ABHD10: variants seen among roughly 807,000 people sequenced by gnomAD.
ABHD10 encodes abhydrolase domain containing 10, depalmitoylase, also known as palmitoyl-protein thioesterase ABHD10, mitochondrial.
In ABHD10, 22 loss-of-function variants were observed where a neutral mutation model predicts 33.1. That is an observed-to-expected ratio of 0.66 (90% CI 0.47 to 0.95). The LOEUF is 0.95. ABHD10 is among the 40% of genes least tolerant of loss of function. The pLI, the probability that ABHD10 is intolerant of heterozygous loss-of-function variation, is 0.00. For missense variants in ABHD10, 352 were observed against 379.9 expected (o/e 0.93, Z 0.61); for synonymous variants, 146 against 133.9 (o/e 1.09, Z -0.62).
intron 2 of ABHD10, among the ~76,000 whole-genome samples, chr3:111,986,037 GAGAC>G (rs1279527293): frequency 1.3e-5 from 2 of 152,196 alleles, no homozygotes; most frequent in East Asian, 1.9e-4. Context: ...GTTAGGTTGA[GAGAC>G]AGTGTGACTA....
In ABHD10 at chr3:111,986,225, A is replaced by G. The variant is rs547085409; in HGVS notation, c.327-39A>G. ...TCTTAAAAATTAAAGAAGCAGATAT[A>G]TAGATATTTAGATATAGATTTTTTT... On this transcript the variant is annotated intron_variant, in intron 2 of 4. Transcript: ENST00000273359. 5 of 1,133,552 alleles carry G rather than the reference A, an allele frequency of 4.4e-6. No individual in the cohort carries two copies. In the East Asian group the frequency reaches 9.8e-5, roughly 22 times the overall value. 70.2% of individuals were successfully genotyped at this position (1,133,552 alleles called of 1,614,324 possible).
chr3:111,991,778 A>G lies in ABHD10; in HGVS notation c.*57A>G. 1 of 1,317,498 alleles carries G rather than the reference A, an allele frequency of 7.6e-7. No homozygotes were observed. Among genetic ancestry groups the G allele is most frequent in the Non-Finnish European group, 1.0e-6 (1 of 952,456 alleles). The allele number at this position is 1,317,498 out of a possible 1,614,324, so 81.6% of individuals were successfully genotyped here. ...GTATCCAGAAGATTGGAAGAGGGAT[A>G]AGAAATGAAAGATCCTGATACTTTA... is the stretch of plus-strand genomic sequence containing the variant. On this transcript the variant is annotated 3_prime_UTR_variant, in exon 5 of 5. Coordinates refer to ENST00000273359, the MANE Select transcript of ABHD10 (RefSeq NM_018394.4).
At chr3:111,979,230 A>C in intron 1 of ABHD10, 27 bp downstream of exon 1, 1 of 1,575,432 alleles carries the variant, frequency 6.3e-7, no homozygotes, top group Non-Finnish European at 8.7e-7. Context: ...CGGGAGTAGG[A>C]TGCGTTCTTT....
At chr3:111,983,811 C>T (rs2072618111) in intron 2 of ABHD10, among the ~76,000 whole-genome samples, 1 of 152,156 alleles carries the variant, frequency 6.6e-6, no homozygotes. Flanking sequence ...GGTATTCTCT[C>T]ATAATTATTT....
At chr3:111,985,489 A>G (rs1466519369) in intron 2 of ABHD10, among the ~76,000 whole-genome samples, 2 of 152,216 alleles carry the variant, frequency 1.3e-5, no homozygotes, top group African/African-American at 4.8e-5. Flanking sequence ...GGCACTAGGA[A>G]CGCATTGAAA....
Position 111,982,952 on chromosome 3 carries a change from A to G in ABHD10, c.326+985A>G, listed in dbSNP as rs1462026437. Among the ~76,000 whole-genome samples the G allele has an allele frequency of 3.9e-5, 6 of 152,138 alleles. 1 individual carries two copies. The highest frequency in any genetic ancestry group is 1.9e-4 in the East Asian group (1 of 5,200). On this transcript the variant is annotated intron_variant, in intron 2 of 4. Coordinates refer to ENST00000273359, the MANE Select transcript of ABHD10 (RefSeq NM_018394.4). ...TTATTTTATTTTCATACTCAGAACT[A>G]TGTTAAAATCTGTTCTGACTTATTC... is the stretch of plus-strand genomic sequence containing the variant.
intron 1 of ABHD10, among the ~76,000 whole-genome samples, chr3:111,980,256 G>C (rs1221810764): frequency 2.0e-5 from 3 of 152,158 alleles, no homozygotes; most frequent in African/African-American, 7.2e-5. Flanking sequence ...GATGGGAAAT[G>C]AACATGAGTG....
intron 4 of ABHD10, among the ~76,000 whole-genome samples, chr3:111,988,124 G>A (rs1015166118): frequency 3.9e-5 from 6 of 152,132 alleles, no homozygotes; most frequent in Non-Finnish European, 8.8e-5. Flanking sequence ...AAGAAAAAAC[G>A]TATGCAGTGT....
At chr3:111,980,799 A>G (rs2072574082) in intron 1 of ABHD10, among the ~76,000 whole-genome samples, 1 of 152,202 alleles carries the variant, frequency 6.6e-6, no homozygotes, top group Admixed American at 6.5e-5. Context: ...CGATACTATC[A>G]TATGTTGTTT....
Position 111,992,763 on chromosome 3 carries a change from G to C in ABHD10, c.*1042G>C, listed in dbSNP as rs1487373669. On this transcript the variant is annotated 3_prime_UTR_variant, in exon 5 of 5. Coordinates refer to ENST00000273359, the MANE Select transcript of ABHD10 (RefSeq NM_018394.4). ...CATGTGTATAAGATGAGCATGTGTC[G>C]AAGACTTATTCGACTCATTAATGAG... 1 of 152,090 alleles carries C rather than the reference G, an allele frequency of 6.6e-6. No homozygotes were observed. The highest frequency in any genetic ancestry group is 2.4e-5 in the African/African-American group (1 of 41,396). The allele number at this position is 152,090 out of a possible 1,614,324, so 9.4% of individuals were successfully genotyped here.
intron 4 of ABHD10, among the ~76,000 whole-genome samples, chr3:111,989,503 A>G (rs925933709): frequency 6.6e-6 from 1 of 152,184 alleles, no homozygotes; most frequent in African/African-American, 2.4e-5. Flanking sequence ...TAGCAGAGCT[A>G]GTTGGGGGCC....
chr3:111,988,996 G>GC lies in ABHD10; in HGVS notation c.576+1946dup, dbSNP rs2072707966. Among the ~76,000 whole-genome samples, 4 of 152,204 alleles carry GC rather than the reference G, an allele frequency of 2.6e-5. No homozygotes were observed. The South Asian group carries it at 8.3e-4, about 32-fold the overall frequency. On this transcript the variant is annotated intron_variant, in intron 4 of 4. Coordinates refer to ENST00000273359, the MANE Select transcript of ABHD10 (RefSeq NM_018394.4). ...TAATCTGCAAATCAAGGCATTTTTT[G>GC]CTAATACTTACTCAGATAAGCAGTT...
Position 111,987,919 on chromosome 3 carries a change from A to G in ABHD10, c.576+868A>G, listed in dbSNP as rs183580165. Among the ~76,000 whole-genome samples the G allele has an allele frequency of 3.0e-4, 46 of 152,308 alleles. No individual in the cohort carries two copies. In the East Asian group the frequency reaches 4.6e-3, roughly 15 times the overall value. Reference sequence around the variant, plus strand: ...GAAAACAGAGCAGTAGTTAAAAAATATGGTCCCTAGGCTAGCAGCAGCAGC... The same window carrying G: ...GAAAACAGAGCAGTAGTTAAAAAATGTGGTCCCTAGGCTAGCAGCAGCAGC... On this transcript the variant is annotated intron_variant, in intron 4 of 4. Coordinates refer to ENST00000273359, the MANE Select transcript of ABHD10 (RefSeq NM_018394.4).
Position 111,990,812 on chromosome 3 carries a change from G to A in ABHD10, c.577-565G>A, listed in dbSNP as rs147855781. ...TTTTTTTATTCTTAGTTCTGTGTTTGATTCTTTCTCTTCTTTCCCTATGCC... is the reference window on the plus strand; with the variant it reads ...TTTTTTTATTCTTAGTTCTGTGTTTAATTCTTTCTCTTCTTTCCCTATGCC... On this transcript the variant is annotated intron_variant, in intron 4 of 4. Transcript: ENST00000273359. 12 of 972,648 alleles carry A rather than the reference G, an allele frequency of 1.2e-5. No individual in the cohort carries two copies. In the African/African-American group the frequency reaches 1.7e-4, roughly 14 times the overall value. The allele number at this position is 972,648 out of a possible 1,614,324, so 60.3% of individuals were successfully genotyped here.
At chr3:111,982,281 A>G (rs1272752217) in intron 2 of ABHD10, 11 of 197,238 alleles carry the variant, frequency 5.6e-5, no homozygotes, top group Admixed American at 3.0e-4. Context: ...ACAGTCTCTT[A>G]TATTATCATT....
At chr3:111,984,993 T>G (rs1028347716) in intron 2 of ABHD10, among the ~76,000 whole-genome samples, 1 of 152,186 alleles carries the variant, frequency 6.6e-6, no homozygotes, top group African/African-American at 2.4e-5. Context: ...CAGAGGGAGA[T>G]GAATGTTTAA....
At chr3:111,986,597 G>A (rs866032573) in intron 3 of ABHD10, among the ~76,000 whole-genome samples, 5 of 152,060 alleles carry the variant, frequency 3.3e-5, no homozygotes, top group Non-Finnish European at 5.9e-5. Context: ...CACCACGCCC[G>A]GCTAATTGTT....
chr3:111,990,819 T>A (rs141086404), intron 4 of ABHD10: 5 of 880,098 alleles, frequency 5.7e-6, no homozygotes, highest in African/African-American at 5.3e-5. Context: ...TTTGATTCTT[T>A]CTCTTCTTTC....
At position 111,991,681 on chromosome 3, in the gene ABHD10, TTGA is replaced by T. The variant is rs772906853; in HGVS notation, c.885_887del (p.Asp296del). On this transcript the variant is annotated inframe_deletion, in exon 5 of 5. Transcript: ENST00000273359. ...GACATTCAACTTCTTGTTTACACTATTGATGACTTAATTGATAAGCTCTCAACT... is the reference window on the plus strand; with the variant it reads ...GACATTCAACTTCTTGTTTACACTATTGACTTAATTGATAAGCTCTCAACT... The T allele has an allele frequency of 6.2e-7, 1 of 1,613,964 alleles. No individual in the cohort carries two copies. Among genetic ancestry groups the T allele is most frequent in the South Asian group, 1.1e-5 (1 of 91,042 alleles).
Sources: gnomAD v4.1 joint callset for allele counts (sites outside exome capture counted in the v4.1 genomes callset) on GRCh38, gnomAD v4.1.1 for gene constraint, MANE v1.5 for transcripts, NCBI Gene and HGNC (gene_info 2026-07-23, HGNC 2026-07-21) for gene names.